NCKAP5: variants seen among roughly 807,000 people sequenced by gnomAD.
NCKAP5 encodes the protein NCK associated protein 5, also known as nck-associated protein 5.
In NCKAP5, 92 loss-of-function variants were observed where a neutral mutation model predicts 167.0. The observed-to-expected ratio is 0.55, with a 90% confidence interval of 0.47 to 0.66. The LOEUF (loss-of-function observed/expected upper bound fraction) is 0.66, where lower values mean the gene tolerates loss of function less well. NCKAP5 is among the 30% of genes least tolerant of loss of function. NCKAP5 has a pLI of 0.00. For synonymous variants in NCKAP5, 891 were observed against 877.4 expected, an observed-to-expected ratio of 1.02 and a Z score of -0.27; for missense variants, 2,378 against 2,315.0, an observed-to-expected ratio of 1.03 and a Z score of -0.56.
chr2:133,345,215 T>C (rs1003220644), intron 3 of NCKAP5, among the ~76,000 whole-genome samples: 3 of 151,992 alleles, frequency 2.0e-5, no homozygotes, highest in Non-Finnish European at 2.9e-5. Flanking sequence ...AGCCGCCCCA[T>C]TGTCTGGGAA....
intron 4 of NCKAP5, among the ~76,000 whole-genome samples, chr2:133,277,367 T>C (rs957307392): frequency 2.0e-5 from 3 of 152,154 alleles, no homozygotes; most frequent in Non-Finnish European, 4.4e-5. Context: ...CAGACATTGA[T>C]AGTAAACTGG....
chr2:132,876,264 TA>T (rs1354517004), intron 9 of NCKAP5, among the ~76,000 whole-genome samples: 2 of 152,092 alleles, frequency 1.3e-5, no homozygotes, highest in African/African-American at 4.8e-5. Flanking sequence ...TTTATGATTT[TA>T]TTTTTTTTAT....
At chr2:132,710,278 C>G (rs546235115) in intron 19 of NCKAP5, among the ~76,000 whole-genome samples, 6 of 152,152 alleles carry the variant, frequency 3.9e-5, no homozygotes, top group Non-Finnish European at 7.4e-5. Flanking sequence ...AAAACAGTTA[C>G]AACAAACGTC....
At chr2:133,050,683 T>C (rs1427652203) in intron 6 of NCKAP5, among the ~76,000 whole-genome samples, 2 of 152,230 alleles carry the variant, frequency 1.3e-5, no homozygotes, top group African/African-American at 4.8e-5. Context: ...GGTATATTTT[T>C]CTACATTTTT....
At chr2:133,338,449 T>C (rs147108732) in intron 3 of NCKAP5, among the ~76,000 whole-genome samples, 9 of 152,348 alleles carry the variant, frequency 5.9e-5, no homozygotes, top group African/African-American at 2.2e-4. Flanking sequence ...CCCCATCTTA[T>C]AGTGCAGCTT....
chr2:133,130,443 G>C (rs945659350), intron 5 of NCKAP5, among the ~76,000 whole-genome samples: 4 of 152,150 alleles, frequency 2.6e-5, no homozygotes, highest in African/African-American at 9.7e-5. Flanking sequence ...TGCACAATAA[G>C]TCAGATAATA....
chr2:133,584,994 G>GAA, the NCKAP5 span, among the ~76,000 whole-genome samples: 7 of 148,904 alleles, frequency 4.7e-5, no homozygotes, highest in East Asian at 1.2e-3. Context: ...AGGAAGGAAG[G>GAA]AGGGAAAGAA....
At chr2:132,930,978 G>A (rs950876312) in intron 8 of NCKAP5, 1 of 152,150 alleles carries the variant, frequency 6.6e-6, no homozygotes, top group African/African-American at 2.4e-5. Flanking sequence ...CCAGTAAGTA[G>A]AAAGCCAAAA....
chr2:132,993,566 G>A (rs139575382), intron 7 of NCKAP5, among the ~76,000 whole-genome samples: 36 of 152,256 alleles, frequency 2.4e-4, no homozygotes, highest in Non-Finnish European at 5.0e-4. Context: ...ATACACCCCA[G>A]ACCCCATCCA....
rs181044733 is a variant in NCKAP5, at chr2:133,291,660, C to A, written c.143+11377G>T. Among the ~76,000 whole-genome samples, 9 of 152,320 alleles carry A rather than the reference C, an allele frequency of 5.9e-5. No homozygotes were observed. In the East Asian group the frequency reaches 1.7e-3, roughly 29 times the overall value. The stretch of plus-strand genomic sequence containing the variant: ...TGTTCGAGAGAAGGCAAAGCCCGGA[C>A]ACCAAGTAAGCCAGGTACCCCTGAG... On this transcript the variant is annotated intron_variant, in intron 4 of 19. Coordinates refer to ENST00000409261, the MANE Select transcript of NCKAP5 (RefSeq NM_207363.3).
intron 3 of NCKAP5, among the ~76,000 whole-genome samples, chr2:133,489,477 A>G (rs1315725265): frequency 2.6e-5 from 4 of 152,196 alleles, no homozygotes; most frequent in Admixed American, 2.0e-4. Flanking sequence ...TATGGAAGCA[A>G]GGCTTTGATA....
chr2:133,413,719 C>T (rs943625092), intron 3 of NCKAP5, among the ~76,000 whole-genome samples: 3 of 152,128 alleles, frequency 2.0e-5, no homozygotes, highest in Non-Finnish European at 2.9e-5. Flanking sequence ...CCAGGCCCAC[C>T]CTGTGTTCCC....
chr2:132,822,846 T>C (rs1438572031), intron 11 of NCKAP5, among the ~76,000 whole-genome samples: 1 of 152,052 alleles, frequency 6.6e-6, no homozygotes, highest in Non-Finnish European at 1.5e-5. Context: ...GAGAAATAGA[T>C]ATCATAAAGA....
At chr2:133,027,433 GTAGT>G (rs1220322601) in intron 6 of NCKAP5, among the ~76,000 whole-genome samples, 2 of 152,168 alleles carry the variant, frequency 1.3e-5, no homozygotes, top group Admixed American at 1.3e-4. Context: ...ATTTCTATGT[GTAGT>G]TATCATACTT....
At chr2:132,940,870 T>G (rs1308793570) in intron 8 of NCKAP5, among the ~76,000 whole-genome samples, 1 of 152,058 alleles carries the variant, frequency 6.6e-6, no homozygotes, top group Non-Finnish European at 1.5e-5. Context: ...TTCATTTATT[T>G]GATAATTATA....
chr2:133,312,302 C>G (rs999471646), intron 3 of NCKAP5, among the ~76,000 whole-genome samples: 4 of 152,164 alleles, frequency 2.6e-5, no homozygotes, highest in Admixed American at 2.0e-4. Flanking sequence ...ATGAGTACAG[C>G]TTAGCAGATC....
intron 8 of NCKAP5, among the ~76,000 whole-genome samples, chr2:132,941,030 A>G (rs1160873060): frequency 6.6e-6 from 1 of 152,200 alleles, no homozygotes; most frequent in Non-Finnish European, 1.5e-5. Flanking sequence ...AAAAGTAAGA[A>G]AACTAAAAGT....
rs545389529 is a variant in NCKAP5, at chr2:132,929,094, T to C, written c.579+34626A>G. On this transcript the variant is annotated intron_variant, in intron 8 of 19. Transcript: ENST00000409261. ...GCCCCTGTGCAGAGCACTCTCCCTT[T>C]CTACCATGTGAGGACACAGCAAGCA... Among the ~76,000 whole-genome samples the C allele has an allele frequency of 5.7e-4, 87 of 152,300 alleles. 2 individuals carry two copies. In the South Asian group the frequency reaches 0.017, roughly 30 times the overall value.
intron 2 of NCKAP5, among the ~76,000 whole-genome samples, chr2:133,535,386 G>A (rs1467359357): frequency 2.0e-5 from 3 of 151,794 alleles, no homozygotes; most frequent in African/African-American, 7.3e-5. Flanking sequence ...GAGAACATAC[G>A]ATATTTGATT....
Sources: allele counts gnomAD v4.1 joint callset (sites outside exome capture counted in the v4.1 genomes callset), GRCh38; gene constraint gnomAD v4.1.1; transcripts MANE v1.5; gene names NCBI Gene and HGNC (gene_info 2026-07-23, HGNC 2026-07-21).